Variants in CYSTM1 observed in about 807,000 individuals in gnomAD.
CYSTM1 encodes the protein cysteine-rich transmembrane module-containing protein 1.
A neutral mutation model predicts 13.1 loss-of-function variants in CYSTM1; 4 were observed. That is an observed-to-expected ratio of 0.31 (90% CI 0.15 to 0.70). The LOEUF (loss-of-function observed/expected upper bound fraction) is 0.70. Ranked by LOEUF, CYSTM1 falls within the 30% of genes least tolerant of loss-of-function variation. CYSTM1 has a pLI of 0.72. For synonymous variants in CYSTM1, 36 were observed against 42.7 expected, an observed-to-expected ratio of 0.84 and a Z score of 0.62; for missense variants, 96 against 121.6, an observed-to-expected ratio of 0.79 and a Z score of 0.99.
At chr5:140,212,899 TC>T (rs1450186762) in intron 2 of CYSTM1, among the ~76,000 whole-genome samples, 1 of 148,826 alleles carries the variant, frequency 6.7e-6, no homozygotes, top group Non-Finnish European at 1.5e-5. Context: ...CCCAGGGAGG[TC>T]AAGGCTGCAG....
intron 2 of CYSTM1, among the ~76,000 whole-genome samples, chr5:140,236,389 C>T (rs1331186399): frequency 6.6e-6 from 1 of 152,154 alleles, no homozygotes; most frequent in African/African-American, 2.4e-5. Context: ...TGCACCTGGA[C>T]CAGCAAACAG....
rs1234944178 is a variant in CYSTM1 at position 140,193,513 on chromosome 5, G to A, written c.-20-933G>A. On this transcript the variant is annotated intron_variant, in intron 1 of 2. Coordinates refer to ENST00000261811, the MANE Select transcript of CYSTM1 (RefSeq NM_032412.4). ...TAGCCAGGATGGTCTCAATCTCAAC[G>A]TGATCCGCCCGCCTCGGCCTCCCAA... is the stretch of plus-strand genomic sequence containing the variant. 2.6e-5 allele frequency among the ~76,000 whole-genome samples: 4 copies of A among 152,162 alleles called. No individual in the cohort carries two copies. In the South Asian group the frequency reaches 6.2e-4, roughly 24 times the overall value.
chr5:140,195,674 GC>G (rs1167296341), intron 2 of CYSTM1, among the ~76,000 whole-genome samples: 1 of 150,360 alleles, frequency 6.7e-6, no homozygotes, highest in Admixed American at 6.6e-5. Flanking sequence ...CTCGTGATCC[GC>G]CCCCCTTGGC....
chr5:140,187,750 G>C (rs1764035990), intron 1 of CYSTM1, among the ~76,000 whole-genome samples: 1 of 152,116 alleles, frequency 6.6e-6, no homozygotes, highest in South Asian at 2.1e-4. Context: ...ATGACTTTAG[G>C]CTTTGATAAT....
intron 2 of CYSTM1, among the ~76,000 whole-genome samples, chr5:140,231,705 G>T (rs1450606199): frequency 6.6e-6 from 1 of 152,236 alleles, no homozygotes; most frequent in Non-Finnish European, 1.5e-5. Flanking sequence ...GTAGGCAAAA[G>T]TGTAGGAACA....
intron 2 of CYSTM1, among the ~76,000 whole-genome samples, chr5:140,235,626 C>T (rs1485572956): frequency 4.6e-5 from 7 of 151,730 alleles, no homozygotes; most frequent in African/African-American, 1.7e-4. Flanking sequence ...AGGATGGTCT[C>T]GATCTTCTGA....
intron 2 of CYSTM1, among the ~76,000 whole-genome samples, chr5:140,220,818 T>C (rs1764480496): frequency 6.6e-6 from 1 of 152,072 alleles, no homozygotes; most frequent in Non-Finnish European, 1.5e-5. Context: ...CTTACTGTTT[T>C]GTGACCATGA....
intron 2 of CYSTM1, among the ~76,000 whole-genome samples, chr5:140,225,499 C>T (rs2126668609): frequency 6.6e-6 from 1 of 152,332 alleles, no homozygotes; most frequent in Middle Eastern, 3.4e-3. Context: ...GTTCCCATGT[C>T]CCATATGTTT....
chr5:140,241,565 G>A lies in CYSTM1; in HGVS notation c.188-1740G>A, dbSNP rs11957999. Among the ~76,000 whole-genome samples, 989 of 152,364 alleles carry A rather than the reference G, an allele frequency of 6.5e-3. 7 individuals are homozygous for A. The highest frequency in any genetic ancestry group is 0.022 in the African/African-American group (920 of 41,576). ...CTATTTCCAGAGCTGGCAGGGGAGGGGCTTTCTGTCCCAGGGGCAGGCGAG... is the reference window on the plus strand; with the variant it reads ...CTATTTCCAGAGCTGGCAGGGGAGGAGCTTTCTGTCCCAGGGGCAGGCGAG... On this transcript the variant is annotated intron_variant, in intron 2 of 2. Coordinates refer to ENST00000261811, the MANE Select transcript of CYSTM1 (RefSeq NM_032412.4).
At chr5:140,187,951 G>A (rs78408298) in intron 1 of CYSTM1, among the ~76,000 whole-genome samples, 2,402 of 151,930 alleles carry the variant, frequency 0.016, 65 homozygotes, top group African/African-American at 0.056. Context: ...AAGCAGTGAA[G>A]AGCAGATTTT....
chr5:140,202,489 T>C (rs1293892873), intron 2 of CYSTM1: 4 of 152,208 alleles, frequency 2.6e-5, no homozygotes, highest in Admixed American at 2.6e-4. Flanking sequence ...CCCCCAATCT[T>C]AGAGGTTCCA....
intron 2 of CYSTM1, among the ~76,000 whole-genome samples, chr5:140,238,591 C>T (rs1048485655): frequency 3.3e-5 from 5 of 152,206 alleles, no homozygotes; most frequent in Non-Finnish European, 5.9e-5. Flanking sequence ...GGGTAGTAAA[C>T]GATGCCACTG....
At chr5:140,176,057 T>G (rs563836330) in intron 1 of CYSTM1, among the ~76,000 whole-genome samples, 1 of 151,994 alleles carries the variant, frequency 6.6e-6, no homozygotes, top group South Asian at 2.1e-4. Flanking sequence ...CTGGGCTGTT[T>G]TGGGGGAAAA....
At chr5:140,185,479 C>T (rs551061705) in intron 1 of CYSTM1, among the ~76,000 whole-genome samples, 6 of 152,280 alleles carry the variant, frequency 3.9e-5, no homozygotes, top group Admixed American at 2.0e-4. Flanking sequence ...GAGGTTGAGA[C>T]CAGAATCAGT....
chr5:140,235,133 A>AT (rs1764665328), intron 2 of CYSTM1, among the ~76,000 whole-genome samples: 2 of 151,342 alleles, frequency 1.3e-5, no homozygotes, highest in African/African-American at 4.9e-5. Context: ...CGCCTGGCTA[A>AT]TTTTTATACT....
At chr5:140,180,809 C>T (rs961040073) in intron 1 of CYSTM1, among the ~76,000 whole-genome samples, 3 of 152,052 alleles carry the variant, frequency 2.0e-5, no homozygotes, top group African/African-American at 7.2e-5. Context: ...TTTCTAAACT[C>T]TTTTCATTAA....
At chr5:140,186,016 T>G (rs1208862197) in intron 1 of CYSTM1, among the ~76,000 whole-genome samples, 1 of 152,202 alleles carries the variant, frequency 6.6e-6, no homozygotes, top group Non-Finnish European at 1.5e-5. Flanking sequence ...ACCTTCACCA[T>G]ATCCTTAAAA....
intron 2 of CYSTM1, chr5:140,201,593 C>T (rs2126660079): frequency 6.6e-6 from 1 of 152,380 alleles, no homozygotes; most frequent in African/African-American, 2.4e-5. Context: ...CAACTGCACC[C>T]TATACAGACT....
At chr5:140,185,677 A>G (rs918556017) in intron 1 of CYSTM1, among the ~76,000 whole-genome samples, 1 of 152,240 alleles carries the variant, frequency 6.6e-6, no homozygotes, top group Non-Finnish European at 1.5e-5. Context: ...TACTGGGAGC[A>G]CTGCTACCAT....
Sources: allele counts gnomAD v4.1 joint callset (sites outside exome capture counted in the v4.1 genomes callset), GRCh38; gene constraint gnomAD v4.1.1; transcripts MANE v1.5; gene names NCBI Gene and HGNC (gene_info 2026-07-23, HGNC 2026-07-21).